The following MC2R variants were observed in gnomAD, a reference collection of about 807,000 sequenced individuals.
MC2R encodes adrenocorticotropic hormone receptor.
MC2R carries 9 observed loss-of-function variants against 9.8 expected under a neutral mutation model. The ratio of observed to expected loss-of-function variants is 0.92; its 90% confidence interval spans 0.55 to 1.60. MC2R has a LOEUF of 1.60. MC2R is among the 40% of genes most tolerant of loss of function. The pLI, the probability that MC2R is intolerant of heterozygous loss-of-function variation, is 0.00. For synonymous variants in MC2R, 185 were observed against 154.7 expected, an observed-to-expected ratio of 1.20 and a Z score of -1.45; for missense variants, 370 against 389.0, an observed-to-expected ratio of 0.95 and a Z score of 0.41.
intron 1 of MC2R, among the ~76,000 whole-genome samples, chr18:13,902,460 C>T (rs2045385961): frequency 6.6e-6 from 1 of 152,062 alleles, no homozygotes; most frequent in Admixed American, 6.6e-5. Context: ...GCTGTAGTAA[C>T]CAAAACAGGC....
At chr18:13,906,403 T>G (rs1172782538) in intron 1 of MC2R, among the ~76,000 whole-genome samples, 1 of 150,828 alleles carries the variant, frequency 6.6e-6, no homozygotes, top group African/African-American at 2.4e-5. Flanking sequence ...CACAGAGAGG[T>G]GAACAACACA....
intron 1 of MC2R, among the ~76,000 whole-genome samples, chr18:13,897,818 G>A (rs2045355401): frequency 6.6e-6 from 1 of 152,010 alleles, no homozygotes; most frequent in Non-Finnish European, 1.5e-5. Flanking sequence ...AGTTCTGGCA[G>A]CATTCATCAC....
chr18:13,887,035 G>C (rs994876576), intron 1 of MC2R, among the ~76,000 whole-genome samples: 3 of 152,242 alleles, frequency 2.0e-5, no homozygotes, highest in Non-Finnish European at 2.9e-5. Context: ...ACATGGACAG[G>C]GTTTAAAAGC....
intron 1 of MC2R, among the ~76,000 whole-genome samples, chr18:13,897,886 G>A (rs931753874): frequency 1.3e-5 from 2 of 152,068 alleles, no homozygotes; most frequent in South Asian, 2.1e-4. Context: ...CAGGTACTAC[G>A]CTGAAGGCCT....
At chr18:13,894,333 A>C (rs1281039230) in intron 1 of MC2R, among the ~76,000 whole-genome samples, 1 of 152,238 alleles carries the variant, frequency 6.6e-6, no homozygotes, top group Non-Finnish European at 1.5e-5. Flanking sequence ...AATTTATCCC[A>C]AACATATGAG....
At chr18:13,899,773 A>G (rs532284255) in intron 1 of MC2R, among the ~76,000 whole-genome samples, 1 of 152,202 alleles carries the variant, frequency 6.6e-6, no homozygotes, top group South Asian at 2.1e-4. Context: ...CCCTTCAAAC[A>G]TGAAGAAGAA....
intron 1 of MC2R, among the ~76,000 whole-genome samples, chr18:13,913,645 G>A (rs1032239659): frequency 6.6e-6 from 1 of 152,162 alleles, no homozygotes; most frequent in Admixed American, 6.5e-5. Flanking sequence ...CTGCACCAGC[G>A]CTTGCCTGTC....
chr18:13,887,608 G>A (rs146136929), intron 1 of MC2R, among the ~76,000 whole-genome samples: 5 of 152,298 alleles, frequency 3.3e-5, no homozygotes, highest in Non-Finnish European at 7.4e-5. Context: ...CATTTGAACA[G>A]GTTACTGAGT....
At chr18:13,899,794 T>C (rs2045367922) in intron 1 of MC2R, among the ~76,000 whole-genome samples, 1 of 152,016 alleles carries the variant, frequency 6.6e-6, no homozygotes, top group African/African-American at 2.4e-5. Flanking sequence ...ATAACAACCT[T>C]CCCAGACAAA....
chr18:13,909,809 G>C (rs1018907755), intron 1 of MC2R, among the ~76,000 whole-genome samples: 1 of 151,936 alleles, frequency 6.6e-6, no homozygotes, highest in Non-Finnish European at 1.5e-5. Flanking sequence ...TCCTGACATA[G>C]TCATAGAATA....
intron 1 of MC2R, among the ~76,000 whole-genome samples, chr18:13,902,925 A>G (rs539856485): frequency 6.6e-6 from 1 of 152,308 alleles, no homozygotes; most frequent in Admixed American, 6.5e-5. Context: ...GAGAGAAAAT[A>G]TTTGCAAACT....
At chr18:13,888,193 G>A (rs772486196) in intron 1 of MC2R, among the ~76,000 whole-genome samples, 1 of 152,126 alleles carries the variant, frequency 6.6e-6, no homozygotes, top group African/African-American at 2.4e-5. Flanking sequence ...CAGTTGCTGT[G>A]CATTGCTGAC....
At chr18:13,903,058 G>A (rs980262117) in intron 1 of MC2R, among the ~76,000 whole-genome samples, 1 of 152,134 alleles carries the variant, frequency 6.6e-6, no homozygotes, top group Non-Finnish European at 1.5e-5. Context: ...TCTCTAAAGA[G>A]GACATACACA....
intron 1 of MC2R, among the ~76,000 whole-genome samples, chr18:13,897,602 A>ACACCCC (rs2045353937): frequency 6.6e-6 from 1 of 151,970 alleles, no homozygotes; most frequent in South Asian, 2.1e-4. Context: ...GCTCCAAAAG[A>ACACCCC]CACCCCTTCC....
At chr18:13,911,281 TTAGA>T (rs1461666390) in intron 1 of MC2R, among the ~76,000 whole-genome samples, 1 of 152,196 alleles carries the variant, frequency 6.6e-6, no homozygotes, top group African/African-American at 2.4e-5. Flanking sequence ...TCCCTTTTTA[TTAGA>T]TAAAGAAACT....
chr18:13,906,666 A>G (rs189491736), intron 1 of MC2R, among the ~76,000 whole-genome samples: 2 of 152,384 alleles, frequency 1.3e-5, no homozygotes, highest in Non-Finnish European at 2.9e-5. Context: ...GTGAGAGCTG[A>G]CAAACAAATT....
chr18:13,914,560 T>C (rs760559401), intron 1 of MC2R, among the ~76,000 whole-genome samples: 1 of 152,208 alleles, frequency 6.6e-6, no homozygotes, highest in Non-Finnish European at 1.5e-5. Context: ...TCTGGACCCC[T>C]TTGTACCCCT....
chr18:13,887,832 C>A (rs148351342), intron 1 of MC2R, among the ~76,000 whole-genome samples: 152 of 152,254 alleles, frequency 1.0e-3, no homozygotes, highest in Admixed American at 2.2e-3. Context: ...ATCATCTACT[C>A]TCCTGGGTCT....
chr18:13,907,615 A>G (rs1406934914), intron 1 of MC2R, among the ~76,000 whole-genome samples: 6 of 152,162 alleles, frequency 3.9e-5, no homozygotes, highest in African/African-American at 1.4e-4. Context: ...ATATTTGCAA[A>G]CTCTCCATCC....
Sources: gnomAD v4.1 joint callset for allele counts (sites outside exome capture counted in the v4.1 genomes callset) on GRCh38, gnomAD v4.1.1 for gene constraint, MANE v1.5 for transcripts, NCBI Gene and HGNC (gene_info 2026-07-23, HGNC 2026-07-21) for gene names.